C4orf50: variants seen among roughly 807,000 people sequenced by gnomAD.
C4orf50 encodes the protein uncharacterized protein C4orf50.
In C4orf50, 80 loss-of-function variants were observed where a neutral mutation model predicts 77.2. The ratio of observed to expected loss-of-function variants is 1.04; its 90% CI spans 0.87 to 1.25. The LOEUF (loss-of-function observed/expected upper bound fraction) is 1.25. Ranked by LOEUF, C4orf50 falls within the 50% of genes most tolerant of loss-of-function variation. The pLI is 0.00. For synonymous variants in C4orf50, 532 were observed against 465.3 expected (o/e 1.14, Z -1.84); for missense variants, 1,257 against 1,152.9 (o/e 1.09, Z -1.31).
intron 7 of C4orf50, among the ~76,000 whole-genome samples, chr4:5,937,525 T>G: frequency 6.6e-6 from 1 of 152,178 alleles, no homozygotes; most frequent in East Asian, 1.9e-4. Flanking sequence ...CACAGTAAGA[T>G]GACGGATAAA....
At chr4:5,955,809 C>G (rs919556663), downstream of C4orf50, among the ~76,000 whole-genome samples, 1 of 152,180 alleles carries the variant, frequency 6.6e-6, no homozygotes, top group African/African-American at 2.4e-5. This position sits in a 1 kb window ranked among gnomAD's most constrained non-coding sequence, Gnocchi z 5.1. Flanking sequence ...CCACCTCCCC[C>G]ACTCAGAAGC....
intron 33 of C4orf50, among the ~76,000 whole-genome samples, chr4:5,960,625 T>A (rs1269820167): frequency 6.6e-6 from 1 of 152,038 alleles, no homozygotes; most frequent in Non-Finnish European, 1.5e-5. Flanking sequence ...GGCAGACACA[T>A]AAACTCAATA....
At position 5,970,151 on chromosome 4, in the gene C4orf50, A is replaced by AT. The variant is rs534944904; in HGVS notation, c.4105-2690_4105-2689insA. ...CGTAGGTCCAGGCAAAACACAGGAA[A>AT]AAAAAAAAAAGGCCCACTGGGGCTA... On this transcript the variant is annotated intron_variant, in intron 31 of 33. Transcript: ENST00000531445. This position sits in a 1 kb window ranked among gnomAD's most constrained non-coding sequence, Gnocchi z 4.3. Among the ~76,000 whole-genome samples the AT allele has an allele frequency of 2.1e-3, 311 of 150,656 alleles. 2 individuals are homozygous for AT. Among genetic ancestry groups the AT allele is most frequent in the Middle Eastern group, 0.01 (3 of 286 alleles).
At chr4:5,961,467 G>A (rs4327436) in intron 33 of C4orf50, among the ~76,000 whole-genome samples, 38,303 of 152,206 alleles carry the variant, frequency 0.25, 5,927 homozygotes, top group Admixed American at 0.39. Context: ...GTCGTTCCAA[G>A]CACTTTCCAC....
At chr4:5,922,318 A>G (rs41475444) in intron 7 of C4orf50, among the ~76,000 whole-genome samples, 13,490 of 152,288 alleles carry the variant, frequency 0.089, 1,368 homozygotes, top group African/African-American at 0.25. Flanking sequence ...CTGCCTGAAA[A>G]GATGCAAACC....
chr4:5,981,659 C>A (rs1286778183), intron 28 of C4orf50, among the ~76,000 whole-genome samples: 2 of 152,150 alleles, frequency 1.3e-5, no homozygotes, highest in Admixed American at 6.5e-5. Context: ...CCGCCTCAGC[C>A]TCCCAAAGTG....
At chr4:6,012,732 A>T (rs1213729123) in intron 23 of C4orf50, among the ~76,000 whole-genome samples, 1 of 152,184 alleles carries the variant, frequency 6.6e-6, no homozygotes, top group African/African-American at 2.4e-5. Flanking sequence ...GGAGGGAGAC[A>T]CACGCAGGGT....
In C4orf50 at chr4:5,973,941, C is replaced by T. The variant is rs530183132; in HGVS notation, c.3922-100G>A. ...AGGGTCAGCTGAGGCCCCTACTCAC[C>T]ATCCCCAGCCCTGCCTCAGCTCAGC... On this transcript the variant is annotated intron_variant, in intron 30 of 33. Transcript: ENST00000531445. The T allele has an allele frequency of 2.6e-5, 24 of 940,120 alleles. 1 individual carries two copies. In the South Asian group the frequency reaches 3.6e-4, roughly 14 times the overall value. The allele number at this position is 940,120 out of a possible 1,614,324, so 58.2% of individuals were successfully genotyped here.
intron 7 of C4orf50, among the ~76,000 whole-genome samples, chr4:5,946,436 AAGTG>A (rs1560556563): frequency 1.1e-5 from 1 of 92,284 alleles, no homozygotes; most frequent in Non-Finnish European, 3.0e-5. Context: ...AATAAATCGT[AAGTG>A]TTAGAAATAA....
intron 23 of C4orf50, among the ~76,000 whole-genome samples, chr4:6,014,516 C>A (rs1722610024): frequency 6.6e-6 from 1 of 152,222 alleles, no homozygotes; most frequent in Non-Finnish European, 1.5e-5. Context: ...AGAAGAAATA[C>A]TTTTGTGCTT....
rs1716340078 is a variant in C4orf50, at chr4:5,901,440, C to G, written c.*2475-3252G>C. On this transcript the variant is annotated intron_variant, in intron 7 of 7. Transcript: ENST00000324058. This position sits in a 1 kb window ranked among gnomAD's most constrained non-coding sequence, Gnocchi z 4.4. ...CCCTAGTCTCGGAGCCAATAACTTGCAGAACCCAGATTGCAGCCTAGCTAT... is the reference window on the plus strand; with the variant it reads ...CCCTAGTCTCGGAGCCAATAACTTGGAGAACCCAGATTGCAGCCTAGCTAT... The G allele has an allele frequency of 1.3e-5, 2 of 152,190 alleles. No individual in the cohort carries two copies. Among genetic ancestry groups the G allele is most frequent in the Admixed American group, 6.5e-5 (1 of 15,286 alleles). 9.4% of individuals were successfully genotyped at this position (152,190 alleles called of 1,614,324 possible).
rs1217848599 is a variant in C4orf50 at position 5,919,515 on chromosome 4, C to A, written c.*2475-21327G>T. Among the ~76,000 whole-genome samples, 3 of 152,166 alleles carry A rather than the reference C, an allele frequency of 2.0e-5. No individual in the cohort carries two copies. The highest frequency in any genetic ancestry group is 2.9e-5 in the Non-Finnish European group (2 of 68,024). ...ACTGTGCAGGAGGCCATGTCGAGGA[C>A]GTCTCCCAGGAAGGTTTCCCTGAGC... On this transcript the variant is annotated intron_variant, in intron 7 of 7. Transcript: ENST00000324058. The surrounding 1 kb of genome is among the most constrained non-coding windows in gnomAD (Gnocchi z 6.5).
Position 5,914,310 on chromosome 4 carries a change from T to C in C4orf50, c.*2475-16122A>G, listed in dbSNP as rs1379168146. ...ACCTCTGCCTCCCGGGTTCATGCCA[T>C]TCTCCCGCCTCAGCCTCCTGAGTAG... On this transcript the variant is annotated intron_variant, in intron 7 of 7. Coordinates refer to the C4orf50 transcript ENST00000324058. Among the ~76,000 whole-genome samples the C allele has an allele frequency of 3.4e-5, 5 of 146,216 alleles. No homozygotes were observed. In the Admixed American group the frequency reaches 3.5e-4, roughly 10 times the overall value.
chr4:5,980,518 C>T (rs1720523272), intron 28 of C4orf50, among the ~76,000 whole-genome samples, 180 bp from the exon 7 acceptor site: 1 of 152,046 alleles, frequency 6.6e-6, no homozygotes, highest in South Asian at 2.1e-4. Flanking sequence ...CACTCCCAAT[C>T]TGATTATCCT....
intron 25 of C4orf50, among the ~76,000 whole-genome samples, chr4:6,004,027 G>GTGATAGTGATGATGGTGATGA (rs1722025291): frequency 3.2e-5 from 1 of 30,792 alleles, no homozygotes; most frequent in Non-Finnish European, 6.6e-5. Context: ...TGGTGATAAT[G>GTGATAGTGATGATGGTGATGA]TGATAGTGAT....
At chr4:5,998,131 G>C (rs1019180399) in intron 25 of C4orf50, among the ~76,000 whole-genome samples, 14 of 152,182 alleles carry the variant, frequency 9.2e-5, no homozygotes, top group African/African-American at 3.4e-4. Context: ...CCCTTCCAAA[G>C]GGATATGTTC....
At chr4:6,002,156 A>T (rs1721857382) in intron 25 of C4orf50, among the ~76,000 whole-genome samples, 1 of 152,226 alleles carries the variant, frequency 6.6e-6, no homozygotes, top group Non-Finnish European at 1.5e-5. Flanking sequence ...TCCAATAAAG[A>T]TCTGGTGTCC....
Position 5,919,208 on chromosome 4 carries a change from C to T in C4orf50, c.*2475-21020G>A, listed in dbSNP as rs953580628. Among the ~76,000 whole-genome samples the T allele has an allele frequency of 1.3e-5, 2 of 152,136 alleles. No homozygotes were observed. The highest frequency in any genetic ancestry group is 1.9e-4 in the East Asian group (1 of 5,176). On this transcript the variant is annotated intron_variant, in intron 7 of 7. Coordinates refer to the C4orf50 transcript ENST00000324058. The surrounding 1 kb of genome is among the most constrained non-coding windows in gnomAD (Gnocchi z 6.5). ...TCAGGGCCCCTGGCTGTGCCATTTCCGGAGCTGAATGTATTCAGGGGCCTG... is the reference window on the plus strand; with the variant it reads ...TCAGGGCCCCTGGCTGTGCCATTTCTGGAGCTGAATGTATTCAGGGGCCTG...
intron 25 of C4orf50, among the ~76,000 whole-genome samples, chr4:5,997,985 C>T (rs948245826): frequency 3.3e-5 from 5 of 152,196 alleles, no homozygotes; most frequent in Admixed American, 3.3e-4. Flanking sequence ...CAACTATAAG[C>T]AGAGCTGAGA....
Sources: gnomAD v4.1 joint callset for allele counts (sites outside exome capture counted in the v4.1 genomes callset) on GRCh38, gnomAD v4.1.1 for gene constraint, Gnocchi (gnomAD v3.1) non-coding constraint, MANE v1.5 for transcripts, NCBI Gene and HGNC (gene_info 2026-07-23, HGNC 2026-07-21) for gene names.